REG3A: variants seen among roughly 807,000 people sequenced by gnomAD.
REG3A encodes the protein regenerating family member 3 alpha, also known as regenerating islet-derived protein 3-alpha.
REG3A carries 15 observed loss-of-function variants against 20.5 expected under a neutral mutation model. The observed-to-expected ratio is 0.73, with a 90% CI of 0.49 to 1.12. The LOEUF is 1.12. Ranked by LOEUF, REG3A falls within the 50% of genes most tolerant of loss-of-function variation. REG3A has a pLI of 0.00. For synonymous variants in REG3A, 93 were observed against 83.2 expected, an observed-to-expected ratio of 1.12 and a Z score of -0.64; for missense variants, 224 against 213.1, an observed-to-expected ratio of 1.05 and a Z score of -0.32.
Position 79,157,186 on chromosome 2 carries a change from A to T in REG3A, c.*40T>A, listed in dbSNP as rs753705415. 2.6e-6 allele frequency: 4 copies of T among 1,515,470 alleles called. No homozygotes were observed. In the South Asian group the frequency reaches 4.5e-5, roughly 17 times the overall value. 93.9% of individuals were successfully genotyped at this position (1,515,470 alleles called of 1,614,324 possible). On this transcript the variant is annotated 3_prime_UTR_variant, in exon 6 of 6. Transcript: ENST00000305165. ...TCACACTGGTCTCATGCCCATGATGAGTTGCACACCAAACACAGGCTGCTG... is the reference window on the plus strand; with the variant it reads ...TCACACTGGTCTCATGCCCATGATGTGTTGCACACCAAACACAGGCTGCTG...
rs1408546104 is a variant in REG3A, at chr2:79,157,675, A to G, written c.357T>C (p.Gly119=). The change falls in exon 5 of 6, where the codon GGT becomes GGC. Residue 119 remains glycine, a synonymous_variant. Coordinates refer to ENST00000305165, the MANE Select transcript of REG3A (RefSeq NM_002580.3). ...TCACATCACTGCTACTCCACTCCCA[A>G]CCTTCTCCATTGGGCTCGGTGCCCT... The part of the protein sequence containing the change: ...PTQGTEPNGE[G]WEWSSSDVMN... The G allele has an allele frequency of 2.5e-6, 4 of 1,613,886 alleles. No individual in the cohort carries two copies. The highest frequency in any genetic ancestry group is 1.7e-5 in the Admixed American group (1 of 59,986).
rs143355005 is a variant in REG3A at position 79,159,400 on chromosome 2, C to T, written c.6G>A (p.Leu2=). 6.2e-7 allele frequency: 1 copy of T among 1,613,860 alleles called. No homozygotes were observed. The highest frequency in any genetic ancestry group is 8.5e-7 in the Non-Finnish European group (1 of 1,179,962). Reference sequence around the variant, plus strand: ...ATACACTGGGCAGGGCCATGGGAGGCAGCATAGTGTCTGCGACTTGAGGAG... The same window carrying T: ...ATACACTGGGCAGGGCCATGGGAGGTAGCATAGTGTCTGCGACTTGAGGAG... M[L]PPMALPSVSW... is the part of the protein sequence containing the mutation. The change falls in exon 2 of 6, where the codon CTG becomes CTA. Residue 2 remains leucine (L), a synonymous_variant. Transcript: ENST00000305165.
rs921862444 is a variant in REG3A at position 79,158,177 on chromosome 2, A to G, written c.333+149T>C. On this transcript the variant is annotated intron_variant, in intron 4 of 5. Transcript: ENST00000305165. ...CAGAACTCAGATCTTCAGATGCTTC[A>G]TGGCCTTCCCTTTCCCCCCAAATAT... 9.9e-6 allele frequency: 9 copies of G among 912,740 alleles called. No homozygotes were observed. In the African/African-American group the frequency reaches 1.2e-4, roughly 12 times the overall value. The allele number at this position is 912,740 out of a possible 1,614,324, so 56.5% of individuals were successfully genotyped here.
chr2:79,157,776 C>A, intron 4 of REG3A, 78 bp from the exon 5 acceptor site: 2 of 1,534,722 alleles, frequency 1.3e-6, no homozygotes, highest in South Asian at 2.5e-5. Context: ...GCTGCAACAC[C>A]TGATTTGCTC....
rs1572956762 is a variant in REG3A at position 79,158,180 on chromosome 2, G to T, written c.333+146C>A. ...AACTCAGATCTTCAGATGCTTCATGGCCTTCCCTTTCCCCCCAAATATTCC... is the reference window on the plus strand; with the variant it reads ...AACTCAGATCTTCAGATGCTTCATGTCCTTCCCTTTCCCCCCAAATATTCC... On this transcript the variant is annotated intron_variant, in intron 4 of 5. Coordinates refer to ENST00000305165, the MANE Select transcript of REG3A (RefSeq NM_002580.3). 6 of 928,052 alleles carry T rather than the reference G, an allele frequency of 6.5e-6. No individual in the cohort carries two copies. The East Asian group carries it at 1.6e-4, about 24-fold the overall frequency. 57.5% of individuals were successfully genotyped at this position (928,052 alleles called of 1,614,324 possible). A position where few individuals can be genotyped will look rare whatever the true frequency, so the allele number is the denominator to read the frequency against.
chr2:79,157,715 G>T lies in REG3A; in HGVS notation c.334-17C>A. On this transcript the variant is annotated splice_polypyrimidine_tract_variant and intron_variant, in intron 4 of 5. Transcript: ENST00000305165. ...CTCGGTGCCCTGTAGAGTAGAGGAG[G>T]TAGCCAGGTGAAGGGAATGGCCATT... 1 of 1,611,156 alleles carries T rather than the reference G, an allele frequency of 6.2e-7. No homozygotes were observed. Among genetic ancestry groups the T allele is most frequent in the South Asian group, 1.1e-5 (1 of 90,710 alleles).
In REG3A at chr2:79,157,194, A is replaced by C. The variant is rs1329451435; in HGVS notation, c.*32T>G. On this transcript the variant is annotated 3_prime_UTR_variant, in exon 6 of 6. Transcript: ENST00000305165. ...GTCTCATGCCCATGATGAGTTGCAC[A>C]CCAAACACAGGCTGCTGACTTCCCT... The C allele has an allele frequency of 1.9e-6, 3 of 1,587,940 alleles. No individual in the cohort carries two copies. The highest frequency in any genetic ancestry group is 2.6e-6 in the Non-Finnish European group (3 of 1,156,290).
intron 2 of REG3A, 21 bp from the exon 3 acceptor site, chr2:79,158,790 G>T: frequency 6.3e-7 from 1 of 1,596,624 alleles, no homozygotes; most frequent in South Asian, 1.1e-5. Context: ...AGAAGAGGGG[G>T]GAGGGTAAAA....
In REG3A at chr2:79,157,701, G is replaced by T. The variant is rs1184593008; in HGVS notation, c.334-3C>A. ...CCTTCTCCATTGGGCTCGGTGCCCT[G>T]TAGAGTAGAGGAGGTAGCCAGGTGA... On this transcript the variant is annotated splice_polypyrimidine_tract_variant and splice_region_variant and intron_variant, in intron 4 of 5. Transcript: ENST00000305165. 8 of 1,613,420 alleles carry T rather than the reference G, an allele frequency of 5.0e-6. No individual in the cohort carries two copies. Among genetic ancestry groups the T allele is most frequent in the Non-Finnish European group, 6.8e-6 (8 of 1,179,624 alleles).
intron 2 of REG3A, 115 bp from the exon 3 acceptor site, chr2:79,158,884 C>A (rs1023666937): frequency 4.2e-6 from 3 of 721,592 alleles, no homozygotes; most frequent in Non-Finnish European, 4.7e-6. Flanking sequence ...TCCTGACACC[C>A]CTTCATCTTC....
chr2:79,157,451 A>G, intron 5 of REG3A, 121 bp downstream of exon 5: 1 of 1,465,280 alleles, frequency 6.8e-7, no homozygotes, highest in Non-Finnish European at 9.4e-7. Context: ...AGAAGAGAGG[A>G]GATAAGAGAA....
At chr2:79,157,770 C>A (rs1313799970) in intron 4 of REG3A, 72 bp from the exon 5 acceptor site, 11 of 1,553,182 alleles carry the variant, frequency 7.1e-6, no homozygotes, top group South Asian at 2.5e-5. Context: ...CCCTTAGCTG[C>A]AACACCTGAT....
chr2:79,157,397 C>G, intron 5 of REG3A, 104 bp from the exon 6 acceptor site: 1 of 1,449,066 alleles, frequency 6.9e-7, no homozygotes. Context: ...TCTCCCTCAC[C>G]TTCACCAGTG....
At chr2:79,157,393 T>A (rs1673338900) in intron 5 of REG3A, 100 bp from the exon 6 acceptor site, 1 of 1,448,136 alleles carries the variant, frequency 6.9e-7, no homozygotes, top group Non-Finnish European at 9.6e-7. Context: ...AGCCTCTCCC[T>A]CACCTTCACC....
At chr2:79,158,547 G>A (rs1673369630) in intron 3 of REG3A, 84 bp from the exon 4 acceptor site, 1 of 1,603,896 alleles carries the variant, frequency 6.2e-7, no homozygotes, top group African/African-American at 1.3e-5. Context: ...GGAGGACTGT[G>A]TGAAAGATAA....
intron 1 of REG3A, 118 bp downstream of exon 1, chr2:79,159,610 A>G: frequency 1.7e-6 from 1 of 571,974 alleles, no homozygotes. Context: ...CTCCCAGGAC[A>G]CCCTTGCTGA....
chr2:79,159,384 G>C lies in REG3A; in HGVS notation c.22C>G (p.Pro8Ala). 6.2e-7 allele frequency: 1 copy of C among 1,613,848 alleles called. No individual in the cohort carries two copies. Among genetic ancestry groups the C allele is most frequent in the African/African-American group, 1.3e-5 (1 of 74,952 alleles). ...GAAAGCAGCATCCAAGATACACTGG[G>C]CAGGGCCATGGGAGGCAGCATAGTG... MLPPMAL[P>A]SVSWMLLSCL... Residue 8 changes from proline to alanine, a missense_variant, in exon 2 of 6, where the codon CCC (proline) becomes GCC (alanine). Coordinates refer to ENST00000305165, the MANE Select transcript of REG3A (RefSeq NM_002580.3).
intron 2 of REG3A, 96 bp downstream of exon 2, chr2:79,159,234 C>A: frequency 7.6e-7 from 1 of 1,316,914 alleles, no homozygotes; most frequent in South Asian, 1.2e-5. Context: ...CATTAGACAC[C>A]ACGTCATTAC....
At chr2:79,158,517 C>A in intron 3 of REG3A, 54 bp from the exon 4 acceptor site, 2 of 1,610,764 alleles carry the variant, frequency 1.2e-6, no homozygotes, top group East Asian at 2.2e-5. Context: ...TGAGGGAGGG[C>A]AGGGCAAAGG....
Sources: gnomAD v4.1 joint callset for allele counts on GRCh38, gnomAD v4.1.1 for gene constraint, MANE v1.5 for transcripts, NCBI Gene and HGNC (gene_info 2026-07-23, HGNC 2026-07-21) for gene names.